MTUS2: variants seen among roughly 807,000 people sequenced by gnomAD.
The protein encoded by MTUS2 is microtubule-associated tumor suppressor candidate 2.
MTUS2 carries 40 observed loss-of-function variants against 114.1 expected under a neutral mutation model. That is an observed-to-expected ratio of 0.35 (90% CI 0.27 to 0.46). MTUS2 has a LOEUF of 0.46. Ranked by LOEUF, MTUS2 falls within the 20% of genes least tolerant of loss-of-function variation. The probability of loss-of-function intolerance (pLI) is 1.00; values close to 1 mark genes in which losing one functional copy is unlikely to be tolerated. For synonymous variants in MTUS2, 688 were observed against 672.0 expected, an observed-to-expected ratio of 1.02 and a Z score of -0.37; for missense variants, 1,679 against 1,705.4, an observed-to-expected ratio of 0.98 and a Z score of 0.27.
intron 5 of MTUS2, among the ~76,000 whole-genome samples, chr13:29,208,097 T>G (rs1173559867): frequency 1.3e-5 from 2 of 152,134 alleles, no homozygotes; most frequent in African/African-American, 4.8e-5. Context: ...ATCATTTCAG[T>G]CTTGCTGCTT....
chr13:29,202,455 T>C (rs1461857600), intron 5 of MTUS2, among the ~76,000 whole-genome samples: 2 of 152,196 alleles, frequency 1.3e-5, no homozygotes, highest in African/African-American at 4.8e-5. Context: ...TACAACATGC[T>C]TCTTTAGCTC....
intron 1 of MTUS2, among the ~76,000 whole-genome samples, chr13:28,830,993 C>T (rs558756529): frequency 6.6e-6 from 1 of 152,216 alleles, no homozygotes; most frequent in Non-Finnish European, 1.5e-5. Flanking sequence ...TTGTCACTAG[C>T]AGACTGTCCC....
chr13:29,341,259 T>C (rs1417411517), intron 7 of MTUS2, among the ~76,000 whole-genome samples: 1 of 152,196 alleles, frequency 6.6e-6, no homozygotes, highest in African/African-American at 2.4e-5. Context: ...CTAGTTTACA[T>C]TCCCACCAGC....
chr13:29,312,025 T>A (rs1361446450), intron 6 of MTUS2, among the ~76,000 whole-genome samples: 1 of 152,136 alleles, frequency 6.6e-6, no homozygotes, highest in Non-Finnish European at 1.5e-5. Context: ...CTCCGGTACC[T>A]TTGCACGTGA....
intron 5 of MTUS2, among the ~76,000 whole-genome samples, chr13:29,244,707 A>G (rs565741544): frequency 1.2e-3 from 188 of 152,234 alleles, no homozygotes; most frequent in African/African-American, 4.4e-3. Flanking sequence ...CTGTAATCCC[A>G]GCACTTTGGG....
At chr13:29,207,122 C>T (rs1483617110) in intron 5 of MTUS2, among the ~76,000 whole-genome samples, 1 of 151,942 alleles carries the variant, frequency 6.6e-6, no homozygotes, top group Non-Finnish European at 1.5e-5. Flanking sequence ...AGGTCTTTCA[C>T]CCCCTTGGTT....
intron 2 of MTUS2, among the ~76,000 whole-genome samples, chr13:28,911,390 G>T (rs957169188): frequency 6.6e-6 from 1 of 151,556 alleles, no homozygotes; most frequent in African/African-American, 2.4e-5. Context: ...TGGCCAGGAT[G>T]ATCTCCATCT....
chr13:29,332,986 C>T (rs1048265373), intron 7 of MTUS2, among the ~76,000 whole-genome samples: 7 of 152,106 alleles, frequency 4.6e-5, no homozygotes, highest in Admixed American at 1.3e-4. Flanking sequence ...AGATCTTTCC[C>T]GCTTTCTCCT....
intron 2 of MTUS2, among the ~76,000 whole-genome samples, chr13:28,963,223 C>T (rs146966872): frequency 9.2e-5 from 14 of 152,022 alleles, no homozygotes; most frequent in Non-Finnish European, 1.5e-4. Context: ...TGGTGGTGGG[C>T]GCCTGTAGTC....
intron 8 of MTUS2, among the ~76,000 whole-genome samples, chr13:29,374,931 AAAATAAAATAAGAAGATG>A (rs962216146): frequency 1.0e-5 from 1 of 96,776 alleles, no homozygotes; most frequent in African/African-American, 3.5e-5. Flanking sequence ...TGTCTCAAAA[AAAATAAAATAAGAAGATG>A]AAATAAAGAC....
intron 2 of MTUS2, among the ~76,000 whole-genome samples, chr13:28,985,866 C>T (rs1055644421): frequency 1.3e-5 from 2 of 152,174 alleles, no homozygotes; most frequent in East Asian, 1.9e-4. Flanking sequence ...AGTCTGCCTA[C>T]AGACAGCCTT....
At chr13:29,077,717 G>A (rs1289600856) in intron 4 of MTUS2, among the ~76,000 whole-genome samples, 2 of 152,130 alleles carry the variant, frequency 1.3e-5, no homozygotes, top group Non-Finnish European at 2.9e-5. Context: ...CTTGACAATG[G>A]TAGGCATCTG....
At chr13:29,296,531 T>G (rs1047370578) in intron 6 of MTUS2, among the ~76,000 whole-genome samples, 3 of 152,098 alleles carry the variant, frequency 2.0e-5, no homozygotes, top group Admixed American at 6.6e-5. Flanking sequence ...TTCCATACTG[T>G]TTTCCATAGT....
At chr13:29,063,850 C>G (rs1888532043) in intron 4 of MTUS2, among the ~76,000 whole-genome samples, 1 of 152,180 alleles carries the variant, frequency 6.6e-6, no homozygotes, top group Admixed American at 6.5e-5. Flanking sequence ...TATGGTAGTT[C>G]TCAATCTTCT....
chr13:29,244,164 A>C (rs564230162), intron 5 of MTUS2, among the ~76,000 whole-genome samples: 8 of 152,140 alleles, frequency 5.3e-5, no homozygotes, highest in Non-Finnish European at 8.8e-5. Context: ...TACATTCTGG[A>C]AGGAGTAGGG....
chr13:28,954,488 G>T (rs1444161462), intron 2 of MTUS2, among the ~76,000 whole-genome samples: 1 of 152,200 alleles, frequency 6.6e-6, no homozygotes, highest in Non-Finnish European at 1.5e-5. Flanking sequence ...CTAACCGAAT[G>T]CAGCTGGGCA....
intron 5 of MTUS2, among the ~76,000 whole-genome samples, chr13:29,151,979 G>T (rs886093794): frequency 2.6e-5 from 4 of 152,010 alleles, no homozygotes; most frequent in Admixed American, 6.6e-5. Flanking sequence ...TTGGATATTG[G>T]CCTGTAGTTT....
At chr13:29,033,325 A>G (rs1414550879) in intron 3 of MTUS2, among the ~76,000 whole-genome samples, 1 of 152,186 alleles carries the variant, frequency 6.6e-6, no homozygotes, top group Non-Finnish European at 1.5e-5. Context: ...CACATAGTAC[A>G]GATCTGAAAA....
intron 2 of MTUS2, among the ~76,000 whole-genome samples, chr13:28,874,817 T>C (rs1877835673): frequency 6.6e-6 from 1 of 152,244 alleles, no homozygotes; most frequent in African/African-American, 2.4e-5. Context: ...GAGGGTTGGC[T>C]GCCACATAAG....
Sources: gnomAD v4.1 joint callset for allele counts (sites outside exome capture counted in the v4.1 genomes callset) on GRCh38, gnomAD v4.1.1 for gene constraint, MANE v1.5 for transcripts, NCBI Gene and HGNC (gene_info 2026-07-23, HGNC 2026-07-21) for gene names.